Variants in MTHFD1 observed in about 807,000 individuals in gnomAD.
The protein encoded by MTHFD1 is methylenetetrahydrofolate dehydrogenase, cyclohydrolase and formyltetrahydrofolate synthetase 1.
MTHFD1 carries 44 observed loss-of-function variants against 110.3 expected under a neutral mutation model. The observed-to-expected ratio is 0.40, with a 90% CI of 0.31 to 0.51. The LOEUF (loss-of-function observed/expected upper bound fraction) is 0.51, where lower values mean the gene tolerates loss of function less well. MTHFD1 is among the 20% of genes least tolerant of loss of function. The pLI, the probability that MTHFD1 is intolerant of heterozygous loss-of-function variation, is 0.60. For missense variants in MTHFD1, 909 were observed against 1,173.1 expected (o/e 0.77, Z 3.29); for synonymous variants, 402 against 428.8 (o/e 0.94, Z 0.77).
chr14:64,397,777 T>C, intron 1 of MTHFD1, among the ~76,000 whole-genome samples: 1 of 152,258 alleles, frequency 6.6e-6, no homozygotes, highest in East Asian at 1.9e-4. Flanking sequence ...CTCCTTTGCC[T>C]ACCATATAGC....
intron 1 of MTHFD1, among the ~76,000 whole-genome samples, chr14:64,399,678 A>G (rs1185812137): frequency 1.3e-5 from 2 of 148,840 alleles, no homozygotes; most frequent in African/African-American, 5.0e-5. Context: ...AAAAAAAAAG[A>G]AAAAAGAAAA....
intron 8 of MTHFD1, among the ~76,000 whole-genome samples, chr14:64,421,825 C>A (rs975169975): frequency 6.6e-6 from 1 of 152,014 alleles, no homozygotes; most frequent in African/African-American, 2.4e-5. Context: ...CGGGGTTTCA[C>A]CATGTTAGCC....
At chr14:64,403,735 G>A (rs1298541206) in intron 2 of MTHFD1, among the ~76,000 whole-genome samples, 2 of 151,642 alleles carry the variant, frequency 1.3e-5, no homozygotes, top group East Asian at 1.9e-4. Flanking sequence ...TTGTAGAGAC[G>A]GTTTTTTGCC....
chr14:64,425,701 C>T (rs142456449), intron 9 of MTHFD1, 29 bp from the exon 10 acceptor site: 1 of 1,581,992 alleles, frequency 6.3e-7, no homozygotes, highest in Non-Finnish European at 8.7e-7. Context: ...ACCACCTCTT[C>T]TAAGTTTCAT....
chr14:64,449,259 G>A (rs2078333663), intron 23 of MTHFD1, 186 bp from the exon 24 acceptor site: 1 of 670,926 alleles, frequency 1.5e-6, no homozygotes, highest in East Asian at 2.7e-5. Context: ...GGCACATAAA[G>A]ATTAGGTAAC....
rs567446840 is a variant in MTHFD1, at chr14:64,453,792, G to T, written c.2496G>T (p.Lys832Asn). 2 of 1,613,018 alleles carry T rather than the reference G, an allele frequency of 1.2e-6. No individual in the cohort carries two copies. Among genetic ancestry groups the T allele is most frequent in the Admixed American group, 3.3e-5 (2 of 60,016 alleles). Residue 832 changes from lysine (K) to asparagine (N), a missense_variant, in exon 25 of 28, where the codon AAG becomes AAT. Physicochemically the swap from Lys to Asn is moderately conservative, Grantham distance 94. Around this residue, in one of 3 missense-constraint regions of MTHFD1, gnomAD observed 482 missense variants for 646.0 expected, o/e 0.75. Transcript: ENST00000652337. ...VEDKIRIIAQ[K>N]IYGADDIELL... is the part of the protein sequence containing the mutation. ...ATAAAATCAGGATCATTGCACAGAA[G>T]ATCTATGGAGCAGATGACATTGAAT...
chr14:64,423,012 C>T (rs767906337), intron 8 of MTHFD1: 2 of 152,094 alleles, frequency 1.3e-5, no homozygotes, highest in South Asian at 2.1e-4. Context: ...AACATTAACA[C>T]GTAGAAATAG....
intron 24 of MTHFD1, among the ~76,000 whole-genome samples, chr14:64,451,260 G>T (rs758039791): frequency 6.6e-6 from 1 of 152,086 alleles, no homozygotes; most frequent in African/African-American, 2.4e-5. Context: ...GGGTTCAAGT[G>T]ATCCTCCTGC....
chr14:64,405,816 C>G (rs955639362), intron 2 of MTHFD1, among the ~76,000 whole-genome samples: 1 of 152,064 alleles, frequency 6.6e-6, no homozygotes, highest in Admixed American at 6.6e-5. Flanking sequence ...GCCACACTCA[C>G]TCTCCATCCT....
intron 2 of MTHFD1, among the ~76,000 whole-genome samples, chr14:64,401,770 T>G (rs2077899440): frequency 6.6e-6 from 1 of 151,990 alleles, no homozygotes; most frequent in Admixed American, 6.6e-5. Context: ...AATAGTGAGC[T>G]CATTTATTAT....
chr14:64,458,463 T>C (rs1021970875), intron 27 of MTHFD1, 156 bp downstream of exon 27: 2 of 687,720 alleles, frequency 2.9e-6, no homozygotes, highest in Non-Finnish European at 2.7e-6. Context: ...GTAATGAGAG[T>C]TGGCAATAAC....
chr14:64,425,878 G>T, intron 10 of MTHFD1, 51 bp downstream of exon 10: 1 of 1,591,494 alleles, frequency 6.3e-7, no homozygotes, highest in Non-Finnish European at 8.6e-7. Flanking sequence ...TTGGTTTTTA[G>T]TTGACAGATA....
chr14:64,411,934 A>G lies in MTHFD1; in HGVS notation c.187-538A>G, dbSNP rs537605618. Among the ~76,000 whole-genome samples the G allele has an allele frequency of 5.3e-5, 8 of 152,256 alleles. No homozygotes were observed. In the South Asian group the frequency reaches 1.7e-3, roughly 32 times the overall value. ...AAAAGACGATATAGACAAGTGGGGC[A>G]GAGGAAAAATGCAGGCAATCTGCAT... On this transcript the variant is annotated intron_variant, in intron 3 of 27. Coordinates refer to ENST00000652337, the MANE Select transcript of MTHFD1 (RefSeq NM_005956.4).
chr14:64,395,287 C>G (rs767565013), intron 1 of MTHFD1, among the ~76,000 whole-genome samples: 1 of 152,244 alleles, frequency 6.6e-6, no homozygotes, highest in Non-Finnish European at 1.5e-5. Context: ...TCTTAACACA[C>G]TTATGCCTGT....
chr14:64,435,388 T>A (rs972237556), intron 15 of MTHFD1, among the ~76,000 whole-genome samples, 181 bp from the exon 16 acceptor site: 1 of 152,218 alleles, frequency 6.6e-6, no homozygotes, highest in African/African-American at 2.4e-5. Flanking sequence ...TTTTTTGTAA[T>A]GTCTTTCTTT....
In MTHFD1 at chr14:64,454,881, T is replaced by C. The variant is rs915747651; in HGVS notation, c.2718+6T>C. 3.7e-6 allele frequency: 6 copies of C among 1,614,020 alleles called. No homozygotes were observed. The highest frequency in any genetic ancestry group is 4.2e-6 in the Non-Finnish European group (5 of 1,179,984). On this transcript the variant is annotated splice_donor_region_variant and intron_variant, in intron 26 of 27. Transcript: ENST00000652337. ...TGTACCCCTTAGTAGGAACGGTAAG[T>C]GCATGCTGCAAGGGAGTAGTGGGCG...
chr14:64,396,627 C>T (rs2077852008), intron 1 of MTHFD1, among the ~76,000 whole-genome samples: 1 of 150,110 alleles, frequency 6.7e-6, no homozygotes, highest in Non-Finnish European at 1.5e-5. Flanking sequence ...TCAAACCCCC[C>T]AGCTCAGGTG....
chr14:64,447,099 C>G lies in MTHFD1; in HGVS notation c.2179-1118C>G, dbSNP rs190306138. 2.1e-3 allele frequency among the ~76,000 whole-genome samples: 323 copies of G among 151,782 alleles called. 1 individual carries two copies. The highest frequency in any genetic ancestry group is 7.6e-3 in the African/African-American group (316 of 41,322). ...GTGCAAGTGATCCTCCGATCTCAGC[C>G]TCGCAAAGTACTGGGATTACAGGTG... On this transcript the variant is annotated intron_variant, in intron 22 of 27. Transcript: ENST00000652337.
chr14:64,412,805 T>C (rs558208169), intron 4 of MTHFD1, among the ~76,000 whole-genome samples: 16 of 151,934 alleles, frequency 1.1e-4, no homozygotes, highest in Non-Finnish European at 1.9e-4. Context: ...ACCTGGCTAA[T>C]TTTTATATTT....
Sources: allele counts gnomAD v4.1 joint callset (sites outside exome capture counted in the v4.1 genomes callset), GRCh38; gene constraint gnomAD v4.1.1; regional missense constraint gnomAD v4.1.1; transcripts MANE v1.5; gene names NCBI Gene and HGNC (gene_info 2026-07-23, HGNC 2026-07-21).